MCF2L: variants seen among roughly 807,000 people sequenced by gnomAD.
MCF2L encodes guanine nucleotide exchange factor DBS.
MCF2L carries 97 observed loss-of-function variants against 153.4 expected under a neutral mutation model. That is an observed-to-expected ratio of 0.63 (90% CI 0.54 to 0.75). MCF2L has a LOEUF of 0.75. Among genes scored for constraint, MCF2L ranks in the 30% least tolerant of loss-of-function variants. The pLI is 0.00. For missense variants in MCF2L, 1,347 were observed against 1,495.2 expected (o/e 0.90, Z 1.64); for synonymous variants, 659 against 632.2 (o/e 1.04, Z -0.64).
Position 113,082,499 on chromosome 13 carries a change from G to T in MCF2L, c.1948G>T (p.Val650Phe), listed in dbSNP as rs1278252713. ...LSTGLHNKKD[V>F]LFGNMEEIYH... ...AACAGGCCTTCACAACAAGAAGGAT[G>T]TTTTGTTTGGAAACATGGAGGAAAT... The change falls in exon 17 of 30, where the codon GTT becomes TTT. Residue 650 changes from valine to phenylalanine, a missense_variant. This residue lies in a region of MCF2L where 820 missense variants were observed against 921.2 expected (regional missense o/e 0.89). Transcript: ENST00000535094. 1.2e-6 allele frequency: 2 copies of T among 1,613,878 alleles called. No homozygotes were observed. The highest frequency in any genetic ancestry group is 1.7e-6 in the Non-Finnish European group (2 of 1,179,890).
chr13:113,046,493 C>G lies in MCF2L; in HGVS notation c.369+1132C>G, dbSNP rs144991830. ...CCCGCGTTCAGACTACCTTTGGGTT[C>G]CCCAGCCTCTCGGTGGCTGCTGGCT... On this transcript the variant is annotated intron_variant, in intron 4 of 29. Transcript: ENST00000535094. The surrounding 1 kb of genome is among the most constrained non-coding windows in gnomAD (Gnocchi z 4.4). 1.7e-3 allele frequency: 868 copies of G among 523,762 alleles called. 6 individuals carry two copies. Among genetic ancestry groups the G allele is most frequent in the African/African-American group, 0.016 (799 of 51,410 alleles). The allele number at this position is 523,762 out of a possible 1,614,324, so 32.4% of individuals were successfully genotyped here.
chr13:113,089,549 C>G (rs1163395287), intron 25 of MCF2L, 61 bp from the exon 26 acceptor site: 21 of 1,107,558 alleles, frequency 1.9e-5, no homozygotes, highest in East Asian at 1.6e-4. Flanking sequence ...GTCCTCAGGG[C>G]GTTCTGAAAG....
chr13:113,052,656 C>A, intron 4 of MCF2L: 1 of 157,222 alleles, frequency 6.4e-6, no homozygotes. Context: ...TCTTTTTCCT[C>A]TCAACTTTCA....
intron 1 of MCF2L, among the ~76,000 whole-genome samples, chr13:112,901,086 G>A (rs1424900424): frequency 6.6e-6 from 1 of 152,208 alleles, no homozygotes; most frequent in Non-Finnish European, 1.5e-5. Context: ...AGAACTGGGC[G>A]ACAGGATGCA....
chr13:113,078,829 CAGAT>C lies in MCF2L; in HGVS notation c.1808+94_1808+97del, dbSNP rs1319551974. On this transcript the variant is annotated intron_variant, in intron 15 of 29. Transcript: ENST00000535094. ...GTCAGGCACTCGAGCAGATGCCTCA[CAGAT>C]AGAAGGCTGGTGCAGAAGTCATTGT... 6 of 1,128,330 alleles carry C rather than the reference CAGAT, an allele frequency of 5.3e-6. No individual in the cohort carries two copies. The African/African-American group carries it at 6.1e-5, about 12-fold the overall frequency. 69.9% of individuals were successfully genotyped at this position (1,128,330 alleles called of 1,614,324 possible). A position where few individuals can be genotyped will look rare whatever the true frequency, so the allele number is the denominator to read the frequency against.
intron 15 of MCF2L, among the ~76,000 whole-genome samples, 174 bp from the exon 16 acceptor site, chr13:113,081,039 C>T (rs1379516123): frequency 2.0e-5 from 3 of 152,212 alleles, no homozygotes; most frequent in South Asian, 2.1e-4. Flanking sequence ...GGTCTGAGGC[C>T]GCGAGCTGGG....
intron 23 of MCF2L, among the ~76,000 whole-genome samples, 162 bp from the exon 24 acceptor site, chr13:113,088,165 G>A (rs1415101570): frequency 2.6e-5 from 4 of 152,244 alleles, no homozygotes; most frequent in African/African-American, 7.2e-5. Flanking sequence ...AGAGGGTCCC[G>A]CAATGCGGGG....
upstream of MCF2L, among the ~76,000 whole-genome samples, chr13:112,966,550 C>T (rs1204656034): frequency 6.6e-6 from 1 of 152,226 alleles, no homozygotes; most frequent in Non-Finnish European, 1.5e-5. This position sits in a 1 kb window ranked among gnomAD's most constrained non-coding sequence, Gnocchi z 4.1. Context: ...TATCTGGGCA[C>T]GGTGGCCCAG....
Position 113,078,281 on chromosome 13 carries a change from G to C in MCF2L, c.1661-82G>C. ...AGAGGCCGAGTCCTACCCTCTCCTC[G>C]GGGCCTTTTCCCGCTGGGTGCACTT... is the stretch of plus-strand genomic sequence containing the variant. On this transcript the variant is annotated intron_variant, in intron 13 of 29. Coordinates refer to ENST00000535094, the MANE Select transcript of MCF2L (RefSeq NM_001112732.3). 2.6e-6 allele frequency: 3 copies of C among 1,142,678 alleles called. No homozygotes were observed. The Admixed American group carries it at 5.4e-5, about 21-fold the overall frequency. 70.8% of individuals were successfully genotyped at this position (1,142,678 alleles called of 1,614,324 possible).
In MCF2L at chr13:113,017,314, T is replaced by C. The variant is rs1314874627; in HGVS notation, c.163+2468T>C. On this transcript the variant is annotated intron_variant, in intron 2 of 29. Transcript: ENST00000535094. Reference sequence around the variant, plus strand: ...GTGGGGCTGTGCCCCTTCCGGAGGCTCCTCCTGCTTTGGGGACGCAGGTGT... The same window carrying C: ...GTGGGGCTGTGCCCCTTCCGGAGGCCCCTCCTGCTTTGGGGACGCAGGTGT... Among the ~76,000 whole-genome samples the C allele has an allele frequency of 9.2e-5, 14 of 152,290 alleles. No homozygotes were observed. In the East Asian group the frequency reaches 2.7e-3, roughly 29 times the overall value.
At chr13:112,925,947 T>C (rs1030537956) in intron 2 of MCF2L, among the ~76,000 whole-genome samples, 2 of 152,202 alleles carry the variant, frequency 1.3e-5, no homozygotes, top group African/African-American at 2.4e-5. Flanking sequence ...AAGGTTGCTA[T>C]TTAATATATG....
Position 112,941,101 on chromosome 13 carries a change from C to T in MCF2L, c.169+38730C>T, listed in dbSNP as rs1040185574. ...GGGAGCATATTTTTACCATCTTTTC[C>T]GCAGGGTCAGAGTGGCCATCGTGCT... On this transcript the variant is annotated intron_variant, in intron 2 of 29. Transcript: ENST00000375608. This position sits in a 1 kb window ranked among gnomAD's most constrained non-coding sequence, Gnocchi z 4.9. 4.6e-5 allele frequency among the ~76,000 whole-genome samples: 7 copies of T among 152,166 alleles called. No individual in the cohort carries two copies. Among genetic ancestry groups the T allele is most frequent in the South Asian group, 2.1e-4 (1 of 4,824 alleles).
rs750948871 is a variant in MCF2L at position 113,046,574 on chromosome 13, C to A, written c.369+1213C>A. The A allele has an allele frequency of 5.6e-6, 3 of 533,330 alleles. No homozygotes were observed. Among genetic ancestry groups the A allele is most frequent in the South Asian group, 4.2e-5 (3 of 71,574 alleles). The allele number at this position is 533,330 out of a possible 1,614,324, so 33.0% of individuals were successfully genotyped here. A position where few individuals can be genotyped will look rare whatever the true frequency, so the allele number is the denominator to read the frequency against. On this transcript the variant is annotated intron_variant, in intron 4 of 29. Transcript: ENST00000535094. This position sits in a 1 kb window ranked among gnomAD's most constrained non-coding sequence, Gnocchi z 4.4. Reference sequence around the variant, plus strand: ...AAGTCATTCCTTTCCCCGCACATTGCCTCATTCCTTCATCTTTTACAAGAA... The same window carrying A: ...AAGTCATTCCTTTCCCCGCACATTGACTCATTCCTTCATCTTTTACAAGAA...
chr13:112,982,852 G>A (rs1566687123), intron 1 of MCF2L, among the ~76,000 whole-genome samples: 2 of 152,268 alleles, frequency 1.3e-5, no homozygotes, highest in African/African-American at 2.4e-5. Context: ...GATGATCAGG[G>A]AAATTGCAGA....
rs2034777195 is a variant in MCF2L, at chr13:113,087,777, G to A, written c.2666G>A (p.Arg889His). ...AAGTTCGAGATCTGGTACAACGCGC[G>A]CGAGGAGGTCTACATCGTCCAGGTG... ...AKKFEIWYNAREEVYIVQAPT... is the reference protein window; with the variant it reads ...AKKFEIWYNAHEEVYIVQAPT... The change falls in exon 23 of 30, where the codon CGC becomes CAC. Residue 889 changes from arginine to histidine, a missense_variant. Arg to His is a conservative substitution (Grantham distance 29). Coordinates refer to ENST00000535094, the MANE Select transcript of MCF2L (RefSeq NM_001112732.3). 5.0e-6 allele frequency: 8 copies of A among 1,614,116 alleles called. No homozygotes were observed. The highest frequency in any genetic ancestry group is 1.1e-5 in the South Asian group (1 of 91,088).
chr13:112,968,216 C>G (rs144905090), upstream of MCF2L, among the ~76,000 whole-genome samples: 1 of 151,592 alleles, frequency 6.6e-6, no homozygotes, highest in African/African-American at 2.4e-5. Context: ...TCTGCCTCAG[C>G]TTCTGCCTCG....
At chr13:112,968,659 C>A (rs765738376), upstream of MCF2L, 1 of 1,512,750 alleles carries the variant, frequency 6.6e-7, no homozygotes, top group Non-Finnish European at 8.8e-7. Flanking sequence ...ACGGAAGGGG[C>A]GCGCTGGGCT....
intron 3 of MCF2L, chr13:113,026,916 G>T (rs2085346794): frequency 1.3e-6 from 1 of 770,376 alleles, no homozygotes. Context: ...AGGCTGACTT[G>T]GGAGGGGTGC....
chr13:112,969,259 C>G lies in MCF2L; in HGVS notation c.-121C>G. ...GGAGGCGGCGGCTGGAGGCTGAAAG[C>G]GCTGCCGTGGCCCCCTCCCCGCCTC... On this transcript the variant is annotated 5_prime_UTR_variant, in exon 1 of 30. Transcript: ENST00000535094. This position sits in a 1 kb window ranked among gnomAD's most constrained non-coding sequence, Gnocchi z 4.8. The G allele has an allele frequency of 7.0e-7, 1 of 1,438,376 alleles. No individual in the cohort carries two copies. Among genetic ancestry groups the G allele is most frequent in the East Asian group, 2.7e-5 (1 of 37,202 alleles). The allele number at this position is 1,438,376 out of a possible 1,614,324, so 89.1% of individuals were successfully genotyped here.
Sources: allele counts gnomAD v4.1 joint callset (sites outside exome capture counted in the v4.1 genomes callset), GRCh38; gene constraint gnomAD v4.1.1; regional missense constraint gnomAD v4.1.1; non-coding constraint Gnocchi (gnomAD v3.1); transcripts MANE v1.5; gene names NCBI Gene and HGNC (gene_info 2026-07-23, HGNC 2026-07-21).